The following VEPH1 variants were observed in gnomAD, a reference collection of about 807,000 sequenced individuals.
VEPH1 encodes the protein ventricular zone expressed PH domain containing 1, also known as ventricular zone-expressed PH domain-containing protein homolog 1.
Under a neutral mutation model 85.2 loss-of-function variants are expected in VEPH1, and 80 were observed. The observed-to-expected ratio is 0.94, with a 90% CI of 0.78 to 1.13. The LOEUF is 1.13. Among genes scored for constraint, VEPH1 ranks in the 50% most tolerant of loss-of-function variants. The probability of loss-of-function intolerance (pLI) is 0.00; values close to 1 mark genes in which losing one functional copy is unlikely to be tolerated. For synonymous variants in VEPH1, 297 were observed against 348.0 expected (o/e 0.85, Z 1.63); for missense variants, 955 against 980.5 (o/e 0.97, Z 0.35).
chr3:157,470,171 C>T, intron 3 of VEPH1, 143 bp downstream of exon 3: 3 of 717,620 alleles, frequency 4.2e-6, no homozygotes, highest in Non-Finnish European at 6.9e-6. Context: ...TAATTACCGG[C>T]CCTCCCAGCT....
chr3:157,422,766 A>G (rs912393869), intron 5 of VEPH1, among the ~76,000 whole-genome samples: 2 of 151,858 alleles, frequency 1.3e-5, no homozygotes, highest in African/African-American at 4.8e-5. Flanking sequence ...CACATCTTCA[A>G]TCCCTTTATT....
intron 6 of VEPH1, among the ~76,000 whole-genome samples, chr3:157,386,267 A>AAAAAAAAAAC: frequency 6.6e-6 from 1 of 150,412 alleles, no homozygotes; most frequent in Non-Finnish European, 1.5e-5. Flanking sequence ...AAAAAAAAAA[A>AAAAAAAAAAC]AAAAAAAGTG....
At chr3:157,497,094 A>T (rs1036407700) in intron 1 of VEPH1, among the ~76,000 whole-genome samples, 2 of 152,072 alleles carry the variant, frequency 1.3e-5, no homozygotes, top group Admixed American at 1.3e-4. Context: ...GAACCCAGAG[A>T]CTCCAGTAGT....
chr3:157,461,550 T>G (rs1208053002), intron 3 of VEPH1, among the ~76,000 whole-genome samples: 1 of 152,200 alleles, frequency 6.6e-6, no homozygotes, highest in Non-Finnish European at 1.5e-5. Flanking sequence ...ATTCTTTAAC[T>G]TTCCCTGTGG....
chr3:157,437,029 C>G (rs1195234969), intron 4 of VEPH1: 1 of 1,613,906 alleles, frequency 6.2e-7, no homozygotes, highest in African/African-American at 1.3e-5. Context: ...ATTTGGACAA[C>G]GAAATAGACA....
chr3:157,477,736 A>G (rs1737620729), intron 2 of VEPH1, among the ~76,000 whole-genome samples: 1 of 152,130 alleles, frequency 6.6e-6, no homozygotes, highest in African/African-American at 2.4e-5. Context: ...CGTAAATGGA[A>G]TAGCTATGGT....
chr3:157,287,207 T>C (rs1237427866), intron 11 of VEPH1, among the ~76,000 whole-genome samples: 3 of 152,072 alleles, frequency 2.0e-5, no homozygotes, highest in Non-Finnish European at 2.9e-5. Flanking sequence ...ACCTCGTCTC[T>C]ACCAAAAATA....
chr3:157,328,035 A>G (rs938056828), intron 9 of VEPH1, among the ~76,000 whole-genome samples: 13 of 152,154 alleles, frequency 8.5e-5, no homozygotes, highest in African/African-American at 3.1e-4. Context: ...TCTTTGGGCA[A>G]GTTACATAAC....
intron 6 of VEPH1, among the ~76,000 whole-genome samples, chr3:157,382,033 A>G (rs1728837413): frequency 1.3e-5 from 2 of 152,202 alleles, no homozygotes; most frequent in South Asian, 2.1e-4. Flanking sequence ...GGTACGGTCC[A>G]TGGTCTCAAA....
chr3:157,468,473 G>A (rs909293879), intron 3 of VEPH1, among the ~76,000 whole-genome samples: 2 of 152,168 alleles, frequency 1.3e-5, no homozygotes, highest in Admixed American at 6.5e-5. Context: ...TACTCAGGAG[G>A]CTGAGGCAGG....
intron 6 of VEPH1, among the ~76,000 whole-genome samples, chr3:157,386,477 G>A (rs1286697183): frequency 1.3e-5 from 2 of 152,142 alleles, no homozygotes; most frequent in Non-Finnish European, 2.9e-5. Flanking sequence ...GGTTAATTCA[G>A]TGGTTTCCAG....
intron 12 of VEPH1, among the ~76,000 whole-genome samples, chr3:157,279,544 C>A (rs1242688896): frequency 6.6e-6 from 1 of 151,794 alleles, no homozygotes; most frequent in African/African-American, 2.4e-5. Flanking sequence ...GGAGGATAAG[C>A]CACTTAATTA....
At chr3:157,356,124 C>G (rs1235962574) in intron 9 of VEPH1, among the ~76,000 whole-genome samples, 1 of 152,084 alleles carries the variant, frequency 6.6e-6, no homozygotes, top group Non-Finnish European at 1.5e-5. Context: ...GCCGTGAACT[C>G]CTGGGCTCAA....
At chr3:157,437,037 A>G (rs748378168) in intron 4 of VEPH1, 1 of 1,614,072 alleles carries the variant, frequency 6.2e-7, no homozygotes, top group Admixed American at 1.7e-5. Context: ...AACGAAATAG[A>G]CAATGGACTC....
At chr3:157,275,433 G>A (rs1002899725) in intron 12 of VEPH1, among the ~76,000 whole-genome samples, 1 of 151,962 alleles carries the variant, frequency 6.6e-6, no homozygotes, top group African/African-American at 2.4e-5. Flanking sequence ...AAAATTAGCC[G>A]GGTGTGGTGG....
chr3:157,438,020 AGCGCGCGCGC>A (rs113324549), intron 4 of VEPH1: 11 of 836,860 alleles, frequency 1.3e-5, no homozygotes, highest in East Asian at 7.3e-5. Context: ...TTTCATGGGA[AGCGCGCGCGC>A]GCGCGCGCAC....
chr3:157,378,131 A>T (rs944949079), intron 7 of VEPH1, among the ~76,000 whole-genome samples: 3 of 151,944 alleles, frequency 2.0e-5, no homozygotes, highest in African/African-American at 7.3e-5. Flanking sequence ...AGCTGCAGAG[A>T]CTGTAAACCA....
chr3:157,405,025 C>T (rs547923385), intron 6 of VEPH1, among the ~76,000 whole-genome samples: 1 of 152,250 alleles, frequency 6.6e-6, no homozygotes, highest in Non-Finnish European at 1.5e-5. Context: ...TTTCTTGAGG[C>T]AGGCACCTAC....
At chr3:157,395,024 G>A (rs1356145754) in intron 6 of VEPH1, among the ~76,000 whole-genome samples, 2 of 152,104 alleles carry the variant, frequency 1.3e-5, no homozygotes, top group Non-Finnish European at 2.9e-5. Context: ...CCATTCTATT[G>A]TTCTCTCAAG....
Sources: allele counts gnomAD v4.1 joint callset (sites outside exome capture counted in the v4.1 genomes callset), GRCh38; gene constraint gnomAD v4.1.1; transcripts MANE v1.5; gene names NCBI Gene and HGNC (gene_info 2026-07-23, HGNC 2026-07-21).